The following CDC42BPA variants were observed in gnomAD, a reference collection of about 807,000 sequenced individuals.
CDC42BPA encodes the protein serine/threonine-protein kinase MRCK alpha.
In CDC42BPA, 80 loss-of-function variants were observed where a neutral mutation model predicts 223.5. That is an observed-to-expected ratio of 0.36 (90% CI 0.30 to 0.43). CDC42BPA has a LOEUF of 0.43. Among genes scored for constraint, CDC42BPA ranks in the 20% least tolerant of loss-of-function variants. The pLI is 1.00. For missense variants in CDC42BPA, 1,743 were observed against 2,099.9 expected (o/e 0.83, Z 3.32); for synonymous variants, 694 against 718.6 (o/e 0.97, Z 0.55).
intron 24 of CDC42BPA, among the ~76,000 whole-genome samples, chr1:227,037,128 T>A (rs1670432707): frequency 6.6e-6 from 1 of 152,190 alleles, no homozygotes; most frequent in African/African-American, 2.4e-5. Flanking sequence ...TGGCCAGGAT[T>A]CTTTCTGATA....
chr1:227,006,949 TCAACAACAACAACAA>T (rs58305329), intron 34 of CDC42BPA, among the ~76,000 whole-genome samples: 20 of 148,138 alleles, frequency 1.4e-4, no homozygotes, highest in South Asian at 1.1e-3. Flanking sequence ...AGACTCCGTC[TCAACAACAACAACAA>T]CAACAACAAC....
intron 7 of CDC42BPA, among the ~76,000 whole-genome samples, chr1:227,146,851 T>C (rs1660795082): frequency 6.6e-6 from 1 of 152,168 alleles, no homozygotes; most frequent in South Asian, 2.1e-4. Flanking sequence ...TGCACACCTG[T>C]AAACTTCCTG....
At chr1:227,164,679 C>T (rs1319728820) in intron 5 of CDC42BPA, among the ~76,000 whole-genome samples, 4 of 152,040 alleles carry the variant, frequency 2.6e-5, no homozygotes, top group East Asian at 1.9e-4. Flanking sequence ...CAAGTGCGTG[C>T]GCATGAGCGC....
intron 1 of CDC42BPA, among the ~76,000 whole-genome samples, chr1:227,309,055 A>G (rs1693056251): frequency 6.6e-6 from 1 of 152,082 alleles, no homozygotes; most frequent in South Asian, 2.1e-4. Context: ...AAAGAGAAAA[A>G]TAAATCTAAA....
chr1:227,256,948 GACACACACACACACACAC>G (rs55961981), intron 1 of CDC42BPA, among the ~76,000 whole-genome samples: 2 of 141,110 alleles, frequency 1.4e-5, no homozygotes, highest in East Asian at 2.1e-4. Context: ...TATATATACA[GACACACACACACACACAC>G]ACACACACAC....
intron 19 of CDC42BPA, among the ~76,000 whole-genome samples, chr1:227,073,628 A>C (rs1240246629): frequency 6.6e-6 from 1 of 152,162 alleles, no homozygotes; most frequent in Non-Finnish European, 1.5e-5. Context: ...ATAATGGAAT[A>C]TTATTTAATA....
intron 34 of CDC42BPA, among the ~76,000 whole-genome samples, chr1:227,008,347 A>AC (rs1664497237): frequency 6.6e-6 from 1 of 152,034 alleles, no homozygotes; most frequent in African/African-American, 2.4e-5. Context: ...AACACTTAAA[A>AC]GATGACTATC....
At chr1:227,286,429 C>T (rs980496415) in intron 1 of CDC42BPA, among the ~76,000 whole-genome samples, 1 of 152,156 alleles carries the variant, frequency 6.6e-6, no homozygotes, top group Non-Finnish European at 1.5e-5. Flanking sequence ...AACTTTGCTC[C>T]AGAGTTCCCA....
chr1:227,139,918 A>C (rs1194577562), intron 9 of CDC42BPA, among the ~76,000 whole-genome samples, 176 bp from the exon 10 acceptor site: 5 of 152,242 alleles, frequency 3.3e-5, no homozygotes, highest in Non-Finnish European at 7.3e-5. Context: ...TGGAATAATT[A>C]TAAAAATTTG....
intron 27 of CDC42BPA, among the ~76,000 whole-genome samples, chr1:227,031,722 A>C (rs1043004676): frequency 6.6e-6 from 1 of 152,202 alleles, no homozygotes; most frequent in Non-Finnish European, 1.5e-5. Flanking sequence ...ACCATTTGAA[A>C]TGTTAGTATC....
intron 3 of CDC42BPA, among the ~76,000 whole-genome samples, chr1:227,206,284 G>A (rs1377195892): frequency 6.6e-6 from 1 of 152,186 alleles, no homozygotes. Flanking sequence ...GTCTGTAAAT[G>A]ATGAACTTGT....
intron 24 of CDC42BPA, among the ~76,000 whole-genome samples, chr1:227,037,324 T>G (rs1171568245): frequency 6.6e-6 from 1 of 152,258 alleles, no homozygotes; most frequent in East Asian, 1.9e-4. Context: ...AAGAGACTCA[T>G]GTACTTGCTC....
intron 14 of CDC42BPA, among the ~76,000 whole-genome samples, chr1:227,105,842 T>C (rs1163409526): frequency 6.6e-6 from 1 of 152,236 alleles, no homozygotes; most frequent in Non-Finnish European, 1.5e-5. Context: ...TTTATCCATC[T>C]GTTGATGAAC....
intron 5 of CDC42BPA, chr1:227,182,886 C>T (rs1044976417): frequency 2.0e-5 from 3 of 152,240 alleles, no homozygotes; most frequent in Non-Finnish European, 4.4e-5. Context: ...CCTGCTTCCG[C>T]TTTCCCTGCC....
At chr1:227,222,173 G>C (rs536876684) in intron 2 of CDC42BPA, among the ~76,000 whole-genome samples, 1 of 151,526 alleles carries the variant, frequency 6.6e-6, no homozygotes, top group African/African-American at 2.4e-5. Context: ...AGCTGTGATT[G>C]CACCACTGCA....
At chr1:227,223,811 G>C (rs953404862) in intron 2 of CDC42BPA, among the ~76,000 whole-genome samples, 4 of 152,176 alleles carry the variant, frequency 2.6e-5, no homozygotes, top group Admixed American at 2.6e-4. Context: ...AGCCATATGA[G>C]ACTCTTTCAG....
intron 1 of CDC42BPA, among the ~76,000 whole-genome samples, chr1:227,307,575 TA>T (rs1339391054): frequency 1.3e-5 from 2 of 152,232 alleles, no homozygotes; most frequent in African/African-American, 2.4e-5. Flanking sequence ...ATGTGCTTTG[TA>T]ATATCCAAAG....
At chr1:227,188,948 T>C (rs1402804954) in intron 5 of CDC42BPA, among the ~76,000 whole-genome samples, 2 of 152,066 alleles carry the variant, frequency 1.3e-5, no homozygotes, top group Non-Finnish European at 2.9e-5. Context: ...TGTGTGTGTG[T>C]GGTGGGCGGG....
intron 1 of CDC42BPA, among the ~76,000 whole-genome samples, chr1:227,272,445 C>T (rs1686113380): frequency 6.6e-6 from 1 of 151,704 alleles, no homozygotes; most frequent in Admixed American, 6.6e-5. Flanking sequence ...TAAAAATACT[C>T]TAAGTTAAAA....
Sources: allele counts gnomAD v4.1 joint callset (sites outside exome capture counted in the v4.1 genomes callset), GRCh38; gene constraint gnomAD v4.1.1; transcripts MANE v1.5; gene names NCBI Gene and HGNC (gene_info 2026-07-23, HGNC 2026-07-21).